The following FBN2 variants were observed in gnomAD, a reference collection of about 807,000 sequenced individuals.
FBN2 encodes the protein fibrillin 2.
Under a neutral mutation model 355.6 loss-of-function variants are expected in FBN2, and 105 were observed. The ratio of observed to expected loss-of-function variants is 0.30; its 90% CI spans 0.25 to 0.35. The LOEUF (loss-of-function observed/expected upper bound fraction) is 0.35. Ranked by LOEUF, FBN2 falls within the 10% of genes least tolerant of loss-of-function variation. FBN2 has a pLI of 1.00. For missense variants in FBN2, 3,280 were observed against 3,758.7 expected (o/e 0.87, Z 3.33); for synonymous variants, 1,350 against 1,301.2 (o/e 1.04, Z -0.81).
chr5:128,284,116 T>A (rs139357132), intron 55 of FBN2, among the ~76,000 whole-genome samples: 2 of 152,192 alleles, frequency 1.3e-5, no homozygotes, highest in African/African-American at 4.8e-5. Flanking sequence ...CAGCCAGATA[T>A]CTTTAAAAAT....
chr5:128,532,622 A>G (rs1324031577), intron 2 of FBN2, among the ~76,000 whole-genome samples: 1 of 152,230 alleles, frequency 6.6e-6, no homozygotes, highest in Non-Finnish European at 1.5e-5. Flanking sequence ...ACAACTTTCA[A>G]AGAGATTTGG....
chr5:128,382,778 T>C (rs1752267214), intron 11 of FBN2, among the ~76,000 whole-genome samples: 1 of 152,088 alleles, frequency 6.6e-6, no homozygotes, highest in Non-Finnish European at 1.5e-5. Flanking sequence ...CCCAAGCACT[T>C]GTTGAATCAT....
At chr5:128,498,050 G>T (rs927439978) in intron 5 of FBN2, among the ~76,000 whole-genome samples, 3 of 152,150 alleles carry the variant, frequency 2.0e-5, no homozygotes, top group Non-Finnish European at 4.4e-5. Context: ...GAGAGGCATG[G>T]CAGAGCCCAG....
chr5:128,335,634 C>A, intron 28 of FBN2, 57 bp from the exon 29 acceptor site: 1 of 1,607,442 alleles, frequency 6.2e-7, no homozygotes, highest in African/African-American at 1.3e-5. Context: ...AAGGAGTTTT[C>A]TTCTTTTTAA....
At chr5:128,443,653 T>G (rs921977239) in intron 7 of FBN2, among the ~76,000 whole-genome samples, 1 of 152,230 alleles carries the variant, frequency 6.6e-6, no homozygotes, top group Admixed American at 6.5e-5. Flanking sequence ...AACTTACTTT[T>G]CTTATTTCTG....
At position 128,276,030 on chromosome 5, in the gene FBN2, T is replaced by C; in HGVS notation, c.7594+8A>G. The C allele has an allele frequency of 6.2e-7, 1 of 1,613,650 alleles. No individual in the cohort carries two copies. The highest frequency in any genetic ancestry group is 1.7e-5 in the Admixed American group (1 of 59,998). On this transcript the variant is annotated splice_region_variant and intron_variant, in intron 59 of 64. Coordinates refer to ENST00000262464, the MANE Select transcript of FBN2 (RefSeq NM_001999.4). The stretch of plus-strand genomic sequence containing the variant: ...TAGGGTCACGATTGTCAGAGACTCT[T>C]CACTCACCTTTGCATGTCTTTCCAT...
intron 23 of FBN2, among the ~76,000 whole-genome samples, chr5:128,347,370 A>G (rs1218175324): frequency 6.6e-6 from 1 of 152,226 alleles, no homozygotes; most frequent in Non-Finnish European, 1.5e-5. Flanking sequence ...CTATATTTAT[A>G]TCAGGAATTA....
At chr5:128,527,446 T>C (rs1413938881) in intron 4 of FBN2, among the ~76,000 whole-genome samples, 3 of 152,150 alleles carry the variant, frequency 2.0e-5, no homozygotes, top group Admixed American at 6.6e-5. Flanking sequence ...CTGGGGTTAA[T>C]TTTGAGAAGT....
At chr5:128,433,348 T>C (rs1753674372) in intron 7 of FBN2, among the ~76,000 whole-genome samples, 1 of 152,154 alleles carries the variant, frequency 6.6e-6, no homozygotes, top group Non-Finnish European at 1.5e-5. Context: ...TACTAAAAGA[T>C]AAATAATTTT....
chr5:128,315,043 A>G (rs1750164232), intron 36 of FBN2, among the ~76,000 whole-genome samples: 1 of 152,250 alleles, frequency 6.6e-6, no homozygotes, highest in Non-Finnish European at 1.5e-5. Context: ...TACAGCCACA[A>G]AAGGAATTGT....
At chr5:128,330,806 A>C in intron 32 of FBN2, 111 bp from the exon 33 acceptor site, 1 of 1,212,106 alleles carries the variant, frequency 8.3e-7, no homozygotes, top group Non-Finnish European at 1.2e-6. Context: ...CAGGCATTTT[A>C]GTTTGCAGGA....
intron 25 of FBN2, chr5:128,339,338 G>C (rs138839469): frequency 5.0e-6 from 2 of 397,444 alleles, no homozygotes; most frequent in Admixed American, 3.6e-5. Context: ...AACAGAAAAG[G>C]GGGGCATGGT....
intron 17 of FBN2, 25 bp from the exon 18 acceptor site, chr5:128,364,750 T>C: frequency 6.3e-7 from 1 of 1,597,120 alleles, no homozygotes; most frequent in Non-Finnish European, 8.6e-7. Context: ...GAAAGTTTAG[T>C]GCTATCAACA....
chr5:128,364,530 T>C, intron 18 of FBN2, 70 bp downstream of exon 18: 1 of 1,481,612 alleles, frequency 6.7e-7, no homozygotes, highest in Non-Finnish European at 9.3e-7. Flanking sequence ...ATTTGTGTTT[T>C]TAATTCTAAT....
chr5:128,297,771 G>A (rs1749569316), intron 48 of FBN2, among the ~76,000 whole-genome samples: 1 of 152,244 alleles, frequency 6.6e-6, no homozygotes, highest in African/African-American at 2.4e-5. Context: ...GCACACTGAT[G>A]GGTCTTGAGT....
chr5:128,324,780 G>A (rs1412561049), intron 34 of FBN2, among the ~76,000 whole-genome samples: 5 of 151,906 alleles, frequency 3.3e-5, no homozygotes, highest in Non-Finnish European at 7.4e-5. Context: ...ATCATGCCCG[G>A]CTAACTTTTT....
At chr5:128,433,752 C>G (rs1323101942) in intron 7 of FBN2, among the ~76,000 whole-genome samples, 1 of 152,134 alleles carries the variant, frequency 6.6e-6, no homozygotes, top group Non-Finnish European at 1.5e-5. Flanking sequence ...ACCTGCAACC[C>G]AACCCTTCAT....
At chr5:128,441,700 G>A (rs1753925077) in intron 7 of FBN2, among the ~76,000 whole-genome samples, 1 of 152,222 alleles carries the variant, frequency 6.6e-6, no homozygotes, top group Admixed American at 6.5e-5. Flanking sequence ...AATATGGTAA[G>A]TGAGGAATAA....
chr5:128,397,299 T>G (rs1752675304), intron 8 of FBN2, among the ~76,000 whole-genome samples: 1 of 152,202 alleles, frequency 6.6e-6, no homozygotes, highest in Admixed American at 6.5e-5. Flanking sequence ...AAGGCCAGGA[T>G]GTAAATTAAA....
Sources: allele counts gnomAD v4.1 joint callset (sites outside exome capture counted in the v4.1 genomes callset), GRCh38; gene constraint gnomAD v4.1.1; transcripts MANE v1.5; gene names NCBI Gene and HGNC (gene_info 2026-07-23, HGNC 2026-07-21).